The following SLC25A26 variants were observed in gnomAD, a reference collection of about 807,000 sequenced individuals.
The protein encoded by SLC25A26 is solute carrier family 25 member 26.
In SLC25A26, 36 loss-of-function variants were observed where a neutral mutation model predicts 37.8. The observed-to-expected ratio is 0.95, with a 90% CI of 0.73 to 1.26. SLC25A26 has a LOEUF of 1.26. SLC25A26 is among the 50% of genes most tolerant of loss of function. SLC25A26 has a pLI of 0.00. For missense variants in SLC25A26, 390 were observed against 331.1 expected (o/e 1.18, Z -1.38); for synonymous variants, 129 against 122.5 (o/e 1.05, Z -0.35).
intron 1 of SLC25A26, among the ~76,000 whole-genome samples, chr3:66,236,013 G>A (rs2072261640): frequency 6.6e-6 from 1 of 152,154 alleles, no homozygotes; most frequent in Non-Finnish European, 1.5e-5. Flanking sequence ...CTAGGCTCAA[G>A]TTATCCTTGT....
chr3:66,337,158 A>AT (rs1220940515), intron 5 of SLC25A26, among the ~76,000 whole-genome samples: 1 of 152,086 alleles, frequency 6.6e-6, no homozygotes, highest in Non-Finnish European at 1.5e-5. Flanking sequence ...AGCCAGTGTA[A>AT]TTTTGTGATT....
At position 66,347,015 on chromosome 3, in the gene SLC25A26, A is replaced by G. The variant is rs753555604; in HGVS notation, c.498+607A>G. ...CAACCTTGGGGAAGGTCAGTGAGCT[A>G]TTTAAAAAAAAAACAACATGTTTTA... On this transcript the variant is annotated intron_variant, in intron 6 of 9. Coordinates refer to ENST00000354883, the MANE Select transcript of SLC25A26 (RefSeq NM_001379210.1). 2.1e-4 allele frequency among the ~76,000 whole-genome samples: 32 copies of G among 152,074 alleles called. 1 individual carries two copies. The highest frequency in any genetic ancestry group is 2.0e-4 in the Admixed American group (3 of 15,258).
intron 5 of SLC25A26, among the ~76,000 whole-genome samples, chr3:66,300,251 G>GGTT (rs1553688691): frequency 1.3e-4 from 14 of 111,624 alleles, no homozygotes; most frequent in Non-Finnish European, 9.6e-5. Flanking sequence ...GGGTTTTTTT[G>GGTT]TTTTGTTTTT....
At chr3:66,255,744 C>T (rs1008402030) in intron 3 of SLC25A26, among the ~76,000 whole-genome samples, 13 of 152,270 alleles carry the variant, frequency 8.5e-5, no homozygotes, top group Admixed American at 2.0e-4. Flanking sequence ...CAGTGAAATA[C>T]TTTGTTGTAG....
intron 5 of SLC25A26, among the ~76,000 whole-genome samples, chr3:66,314,270 C>G (rs747578326): frequency 1.8e-4 from 27 of 152,076 alleles, no homozygotes; most frequent in Non-Finnish European, 2.9e-4. Context: ...CTGTATAGCT[C>G]TTATTATTTT....
intron 1 of SLC25A26, among the ~76,000 whole-genome samples, chr3:66,187,562 C>T (rs1039190097): frequency 0.13 from 19,825 of 152,070 alleles, 1,667 homozygotes; most frequent in African/African-American, 0.23. Context: ...TACCCTGGCC[C>T]TGAACTTTAC....
At chr3:66,343,078 T>G (rs527295938) in intron 5 of SLC25A26, among the ~76,000 whole-genome samples, 4 of 152,310 alleles carry the variant, frequency 2.6e-5, no homozygotes, top group African/African-American at 9.6e-5. Flanking sequence ...GGTATAAAAT[T>G]CCACGTTTTG....
chr3:66,243,358 A>G (rs976470594), intron 3 of SLC25A26, 46 bp downstream of exon 3: 6 of 915,872 alleles, frequency 6.6e-6, no homozygotes, highest in East Asian at 2.4e-5. Flanking sequence ...AATGCACATC[A>G]TGCATATATT....
In SLC25A26 at chr3:66,209,018, A is replaced by G. The variant is rs1576639276; in HGVS notation, c.-353-11724A>G. ...TGTACCCATATAAAGGTATATATAT[A>G]TATACACACCCATATAAAGGTGTAT... On this transcript the variant is annotated intron_variant, in intron 1 of 10. Transcript: ENST00000676754. Among the ~76,000 whole-genome samples, 129 of 121,780 alleles carry G rather than the reference A, an allele frequency of 1.1e-3. 1 individual carries two copies. Among genetic ancestry groups the G allele is most frequent in the African/African-American group, 3.6e-3 (124 of 34,100 alleles). 79.9% of individuals were successfully genotyped at this position (121,780 alleles called of 152,430 possible). A position where few individuals can be genotyped will look rare whatever the true frequency, so the allele number is the denominator to read the frequency against.
intron 5 of SLC25A26, among the ~76,000 whole-genome samples, chr3:66,268,608 C>G (rs71306801): frequency 6.6e-6 from 1 of 152,084 alleles, no homozygotes; most frequent in South Asian, 2.1e-4. Flanking sequence ...TCACACAGTA[C>G]GTGCTCAGGA....
At chr3:66,317,749 C>G (rs1018156002) in intron 5 of SLC25A26, among the ~76,000 whole-genome samples, 1 of 152,172 alleles carries the variant, frequency 6.6e-6, no homozygotes, top group Non-Finnish European at 1.5e-5. Flanking sequence ...CACAGCCGCC[C>G]CTCCTCCTAG....
At chr3:66,322,532 A>G (rs2075723426) in intron 5 of SLC25A26, among the ~76,000 whole-genome samples, 1 of 152,238 alleles carries the variant, frequency 6.6e-6, no homozygotes, top group South Asian at 2.1e-4. Flanking sequence ...CTGAGGTTGC[A>G]TTGGCATTGA....
intron 5 of SLC25A26, among the ~76,000 whole-genome samples, chr3:66,295,435 G>A (rs185915630): frequency 1.5e-4 from 21 of 139,398 alleles, no homozygotes; most frequent in African/African-American, 5.1e-4. Flanking sequence ...ATGGAGTCTC[G>A]CTCTGTTGCC....
In SLC25A26 at chr3:66,242,462, T is replaced by G. The variant is rs941961747; in HGVS notation, c.191-741T>G. 7.2e-5 allele frequency among the ~76,000 whole-genome samples: 11 copies of G among 152,216 alleles called. 1 individual carries two copies. The highest frequency in any genetic ancestry group is 7.2e-4 in the Admixed American group (11 of 15,282). The stretch of plus-strand genomic sequence containing the variant: ...TTTTGTTGACTTTGGAGAACTGATT[T>G]TCACCATCAAGCTGTTTTCCTTAGT... On this transcript the variant is annotated intron_variant, in intron 2 of 9. Coordinates refer to ENST00000354883, the MANE Select transcript of SLC25A26 (RefSeq NM_001379210.1).
At chr3:66,304,276 C>T (rs1037449641) in intron 5 of SLC25A26, among the ~76,000 whole-genome samples, 5 of 152,260 alleles carry the variant, frequency 3.3e-5, no homozygotes, top group Middle Eastern at 3.4e-3. Context: ...TTATACAGGG[C>T]GGGTACATCA....
intron 1 of SLC25A26, among the ~76,000 whole-genome samples, chr3:66,154,327 A>T (rs1246438501): frequency 1.3e-5 from 2 of 152,052 alleles, no homozygotes; most frequent in Non-Finnish European, 2.9e-5. Flanking sequence ...TTTGGCAGAG[A>T]TTATCCTAAA....
chr3:66,213,639 C>G (rs1487480252), intron 1 of SLC25A26, among the ~76,000 whole-genome samples: 1 of 151,978 alleles, frequency 6.6e-6, no homozygotes, highest in Non-Finnish European at 1.5e-5. Flanking sequence ...CATCATTACC[C>G]CAAATCCACA....
intron 1 of SLC25A26, among the ~76,000 whole-genome samples, chr3:66,143,912 C>A (rs2106673406): frequency 6.6e-6 from 1 of 152,144 alleles, no homozygotes. Flanking sequence ...AAGATGAGAA[C>A]AGCAAAGCCT....
intron 1 of SLC25A26, among the ~76,000 whole-genome samples, chr3:66,134,674 A>T (rs1304761668): frequency 6.6e-6 from 1 of 152,248 alleles, no homozygotes; most frequent in Non-Finnish European, 1.5e-5. Context: ...GGAATGACTT[A>T]AAAATCACTA....
Sources: allele counts gnomAD v4.1 joint callset (sites outside exome capture counted in the v4.1 genomes callset), GRCh38; gene constraint gnomAD v4.1.1; transcripts MANE v1.5; gene names NCBI Gene and HGNC (gene_info 2026-07-23, HGNC 2026-07-21).